CNTNAP5: variants seen among roughly 807,000 people sequenced by gnomAD.
CNTNAP5 encodes contactin associated protein family member 5.
Under a neutral mutation model 150.2 loss-of-function variants are expected in CNTNAP5, and 72 were observed. The ratio of observed to expected loss-of-function variants is 0.48; its 90% CI spans 0.40 to 0.58. CNTNAP5 has a LOEUF of 0.58. CNTNAP5 is among the 20% of genes least tolerant of loss of function. The probability of loss-of-function intolerance (pLI) is 0.00; values close to 1 mark genes in which losing one functional copy is unlikely to be tolerated. For missense variants in CNTNAP5, 1,636 were observed against 1,626.2 expected, an observed-to-expected ratio of 1.01 and a Z score of -0.10; for synonymous variants, 672 against 619.8, an observed-to-expected ratio of 1.08 and a Z score of -1.25.
At chr2:124,271,220 T>A (rs1193614984) in intron 3 of CNTNAP5, among the ~76,000 whole-genome samples, 1 of 151,826 alleles carries the variant, frequency 6.6e-6, no homozygotes, top group African/African-American at 2.4e-5. Context: ...GATTTTTAAA[T>A]GCACAGTCTT....
intron 6 of CNTNAP5, among the ~76,000 whole-genome samples, chr2:124,457,730 T>A (rs1354227089): frequency 2.6e-5 from 4 of 151,998 alleles, no homozygotes; most frequent in Admixed American, 2.0e-4. Context: ...TACTTTAAGT[T>A]CTAGGGTACA....
At chr2:124,800,866 A>G (rs955005762) in intron 19 of CNTNAP5, among the ~76,000 whole-genome samples, 1 of 152,186 alleles carries the variant, frequency 6.6e-6, no homozygotes, top group African/African-American at 2.4e-5. Context: ...ATGAGTGACC[A>G]TGGCCTGTGA....
chr2:124,713,367 CTTT>C (rs1679876983), intron 13 of CNTNAP5, among the ~76,000 whole-genome samples: 1 of 121,562 alleles, frequency 8.2e-6, no homozygotes, highest in East Asian at 2.5e-4. Context: ...TTCTTTCTTT[CTTT>C]CTTTCTTTCT....
At chr2:124,073,888 C>T (rs1682374644) in intron 1 of CNTNAP5, among the ~76,000 whole-genome samples, 1 of 151,944 alleles carries the variant, frequency 6.6e-6, no homozygotes, top group Non-Finnish European at 1.5e-5. Context: ...TCTGCATTTC[C>T]ATGTTTATTA....
intron 11 of CNTNAP5, among the ~76,000 whole-genome samples, chr2:124,609,235 G>A (rs1677318704): frequency 1.3e-5 from 2 of 152,114 alleles, no homozygotes; most frequent in African/African-American, 4.8e-5. Context: ...GAGGTGAGGG[G>A]CCACATTTTG....
intron 3 of CNTNAP5, among the ~76,000 whole-genome samples, chr2:124,263,217 T>C (rs1558825027): frequency 6.6e-6 from 1 of 152,188 alleles, no homozygotes; most frequent in Non-Finnish European, 1.5e-5. Context: ...CCTTGAGGAA[T>C]CGCCACACTG....
chr2:124,162,975 T>C (rs1285512027), intron 1 of CNTNAP5, among the ~76,000 whole-genome samples: 1 of 150,922 alleles, frequency 6.6e-6, no homozygotes, highest in African/African-American at 2.4e-5. Flanking sequence ...AAGTCATCCC[T>C]TGAAGTTGAC....
At chr2:124,085,701 C>T (rs1682672487) in intron 1 of CNTNAP5, among the ~76,000 whole-genome samples, 1 of 152,120 alleles carries the variant, frequency 6.6e-6, no homozygotes, top group Non-Finnish European at 1.5e-5. Context: ...TAGGTTGTAT[C>T]TTCACTGTCA....
In CNTNAP5 at chr2:124,558,160, T is replaced by C. The variant is rs1198323635; in HGVS notation, c.1650-5057T>C. On this transcript the variant is annotated intron_variant, in intron 10 of 23. Transcript: ENST00000682447. ...GGATGGAAGCTGGGAGACCAGTTAGTTGATAATTGCAGTTATTCTGGTGAG... is the reference window on the plus strand; with the variant it reads ...GGATGGAAGCTGGGAGACCAGTTAGCTGATAATTGCAGTTATTCTGGTGAG... Among the ~76,000 whole-genome samples the C allele has an allele frequency of 3.3e-5, 5 of 152,300 alleles. No individual in the cohort carries two copies. The East Asian group carries it at 5.8e-4, about 18-fold the overall frequency.
At chr2:124,234,336 G>A (rs947878525) in intron 2 of CNTNAP5, among the ~76,000 whole-genome samples, 2 of 152,148 alleles carry the variant, frequency 1.3e-5, no homozygotes, top group African/African-American at 2.4e-5. Context: ...AGCACTGGCC[G>A]ATAGAAAATT....
At chr2:124,880,728 A>G (rs1677947751) in intron 21 of CNTNAP5, among the ~76,000 whole-genome samples, 1 of 152,176 alleles carries the variant, frequency 6.6e-6, no homozygotes, top group Non-Finnish European at 1.5e-5. Context: ...CTTTGTTCCC[A>G]AAGTGATAAA....
intron 21 of CNTNAP5, among the ~76,000 whole-genome samples, chr2:124,888,382 A>G (rs1361176048): frequency 6.6e-6 from 1 of 152,086 alleles, no homozygotes; most frequent in Non-Finnish European, 1.5e-5. Flanking sequence ...TGTCTTTGCT[A>G]TTGTGCATAG....
intron 3 of CNTNAP5, among the ~76,000 whole-genome samples, chr2:124,281,695 C>T (rs1320983910): frequency 3.3e-5 from 5 of 152,126 alleles, no homozygotes; most frequent in Non-Finnish European, 5.9e-5. Flanking sequence ...TAGGTAAGAA[C>T]AGGAGAAATG....
intron 1 of CNTNAP5, among the ~76,000 whole-genome samples, chr2:124,035,216 C>A (rs1257781473): frequency 6.6e-6 from 1 of 152,132 alleles, no homozygotes; most frequent in Non-Finnish European, 1.5e-5. Context: ...AGCACTGTGA[C>A]TCACCCTTCC....
rs1573711023 is a variant in CNTNAP5, at chr2:124,916,206, T to C, written c.*1918T>C. 6.9e-6 allele frequency among the ~76,000 whole-genome samples: 1 copy of C among 143,942 alleles called. No individual in the cohort carries two copies. The highest frequency in any genetic ancestry group is 3.0e-5 in the African/African-American group (1 of 33,816). 94.4% of individuals were successfully genotyped at this position (143,942 alleles called of 152,430 possible). A position where few individuals can be genotyped will look rare whatever the true frequency, so the allele number is the denominator to read the frequency against. ...TGTGGATTTGAGCTCAATCGCTTTA[T>C]CATCTACATGATATCTTTTGGCTAG... On this transcript the variant is annotated 3_prime_UTR_variant, in exon 24 of 24. Coordinates refer to ENST00000682447, the MANE Select transcript of CNTNAP5 (RefSeq NM_001367498.1).
chr2:124,279,696 A>C (rs1288729948), intron 3 of CNTNAP5, among the ~76,000 whole-genome samples: 1 of 152,146 alleles, frequency 6.6e-6, no homozygotes, highest in African/African-American at 2.4e-5. Context: ...AAGTGCTACC[A>C]ATTACACAGA....
chr2:124,909,347 G>T (rs1239157201), intron 22 of CNTNAP5, among the ~76,000 whole-genome samples: 1 of 152,142 alleles, frequency 6.6e-6, no homozygotes, highest in Admixed American at 6.6e-5. Context: ...TAGCCTGGGG[G>T]CAATAGTCTA....
intron 3 of CNTNAP5, among the ~76,000 whole-genome samples, chr2:124,316,398 T>C (rs1239656149): frequency 6.6e-6 from 1 of 152,168 alleles, no homozygotes; most frequent in Non-Finnish European, 1.5e-5. Flanking sequence ...TGGTGATAAA[T>C]ATCTATAATA....
rs1191983412 is a variant in CNTNAP5 at position 124,914,601 on chromosome 2, T to C, written c.*313T>C. ...TGTTCAGTTCTGTACTTCCAGTTTC[T>C]AAAATGCACTGTTCAGTTTTCCAAC... is the stretch of plus-strand genomic sequence containing the variant. On this transcript the variant is annotated 3_prime_UTR_variant, in exon 24 of 24. Transcript: ENST00000682447. 1 of 218,758 alleles carries C rather than the reference T, an allele frequency of 4.6e-6. No homozygotes were observed. Among genetic ancestry groups the C allele is most frequent in the Non-Finnish European group, 9.1e-6 (1 of 109,964 alleles). 13.6% of individuals were successfully genotyped at this position (218,758 alleles called of 1,614,324 possible).
Sources: allele counts gnomAD v4.1 joint callset (sites outside exome capture counted in the v4.1 genomes callset), GRCh38; gene constraint gnomAD v4.1.1; transcripts MANE v1.5; gene names NCBI Gene and HGNC (gene_info 2026-07-23, HGNC 2026-07-21).